The following MORC4 variants were observed in gnomAD, a reference collection of about 807,000 sequenced individuals.
MORC4 encodes the protein MORC family CW-type zinc finger protein 4.
In MORC4, 22 loss-of-function variants were observed where a neutral mutation model predicts 65.5. The observed-to-expected ratio is 0.34, with a 90% CI of 0.24 to 0.48. The LOEUF (loss-of-function observed/expected upper bound fraction) is 0.48, where lower values mean the gene tolerates loss of function less well. MORC4 is among the 20% of genes least tolerant of loss of function. The probability of loss-of-function intolerance (pLI) is 0.99; values close to 1 mark genes in which losing one functional copy is unlikely to be tolerated. For synonymous variants in MORC4, 267 were observed against 255.8 expected (o/e 1.04, Z -0.42); for missense variants, 624 against 703.0 (o/e 0.89, Z 1.27).
intron 9 of MORC4, among the ~76,000 whole-genome samples, chrX:106,968,642 CAAAAAAAA>C (rs1194053588): frequency 5.6e-5 from 1 of 17,985 alleles, no homozygotes; most frequent in Non-Finnish European, 9.8e-5. Flanking sequence ...AAATGGAAAG[CAAAAAAAA>C]AAAAAAAAAA....
chrX:106,953,863 C>T (rs778703604), intron 14 of MORC4, among the ~76,000 whole-genome samples: 3 of 112,247 alleles, frequency 2.7e-5, no homozygotes, highest in African/African-American at 9.7e-5. Context: ...GTGGCTCATG[C>T]CTGTAATCCT....
chrX:106,967,481 G>T (rs754617737), intron 9 of MORC4, among the ~76,000 whole-genome samples: 1 of 112,101 alleles, frequency 8.9e-6, no homozygotes, highest in East Asian at 2.8e-4. Context: ...CAAGTTGACA[G>T]AAGTAGGCTT....
intron 14 of MORC4, among the ~76,000 whole-genome samples, chrX:106,950,697 C>A (rs1420190685): frequency 9.0e-6 from 1 of 111,682 alleles, no homozygotes; most frequent in Non-Finnish European, 1.9e-5. Context: ...GTGGATCTGC[C>A]TGGAATAGAG....
chrX:106,957,703 T>C (rs1449792435), intron 11 of MORC4, among the ~76,000 whole-genome samples: 1 of 111,613 alleles, frequency 9.0e-6, no homozygotes, highest in African/African-American at 3.3e-5. Context: ...GCAAGAAACA[T>C]ATGGTATATT....
chrX:106,958,133 T>C (rs750529774), intron 11 of MORC4, among the ~76,000 whole-genome samples: 11 of 111,552 alleles, frequency 9.9e-5, no homozygotes, highest in East Asian at 5.7e-4. Context: ...GTGTAGGGAA[T>C]AGTGAAGCCA....
At chrX:106,991,605 G>A (rs1934984645) in intron 3 of MORC4, among the ~76,000 whole-genome samples, 1 of 111,976 alleles carries the variant, frequency 8.9e-6, no homozygotes, top group Non-Finnish European at 1.9e-5. Flanking sequence ...GAGTCATTAA[G>A]AAGATAAGCA....
intron 2 of MORC4, among the ~76,000 whole-genome samples, chrX:106,995,843 A>AGC (rs1434558750): frequency 8.9e-6 from 1 of 112,170 alleles, no homozygotes; most frequent in East Asian, 2.8e-4. Flanking sequence ...AGCATTACAC[A>AGC]GCTGCCTACA....
intron 14 of MORC4, among the ~76,000 whole-genome samples, chrX:106,947,591 A>AT (rs1411668743): frequency 0.012 from 990 of 83,018 alleles, 25 homozygotes; most frequent in African/African-American, 0.052. Flanking sequence ...ATATATATAT[A>AT]ATATATATAT....
At chrX:106,961,697 C>T (rs1162455488) in intron 10 of MORC4, among the ~76,000 whole-genome samples, 2 of 111,819 alleles carry the variant, frequency 1.8e-5, no homozygotes, top group African/African-American at 6.5e-5. Context: ...AGAAATGGAA[C>T]ACGGGAGGGA....
rs762365275 is a variant in MORC4, at chrX:106,942,498, T to G, written c.2376+17A>C. On this transcript the variant is annotated intron_variant, in intron 15 of 16. Coordinates refer to ENST00000355610, the MANE Select transcript of MORC4 (RefSeq NM_024657.5). ...TACTATGGTCTCTTATTCCTAGTGG[T>G]GAGGTATTACCCTAACCTTTTGCTG... is the stretch of plus-strand genomic sequence containing the variant. The G allele has an allele frequency of 5.7e-5, 67 of 1,181,052 alleles. No individual in the cohort carries two copies. The highest frequency in any genetic ancestry group is 7.2e-5 in the Non-Finnish European group (63 of 875,745).
chrX:106,974,593 T>C (rs759839136), intron 9 of MORC4, among the ~76,000 whole-genome samples: 1 of 112,261 alleles, frequency 8.9e-6, no homozygotes, highest in South Asian at 3.7e-4. Flanking sequence ...AAAGAGCTTT[T>C]TTATTGCTCG....
chrX:106,993,912 G>C (rs1484859188), intron 2 of MORC4, among the ~76,000 whole-genome samples: 4 of 112,328 alleles, frequency 3.6e-5, no homozygotes, highest in Non-Finnish European at 7.5e-5. Flanking sequence ...CACTGAAAGG[G>C]TTAGAGTTTA....
In MORC4 at chrX:106,981,485, A is replaced by C. The variant is rs1292897290; in HGVS notation, c.675-8T>G. Reference sequence around the variant, plus strand: ...GATTTTCCATTTTTATTTCTGGGGAAAAGAGACAAGTACCAATCTAACAAA... The same window carrying C: ...GATTTTCCATTTTTATTTCTGGGGACAAGAGACAAGTACCAATCTAACAAA... On this transcript the variant is annotated splice_region_variant and splice_polypyrimidine_tract_variant and intron_variant, in intron 5 of 16. Transcript: ENST00000355610. 1 of 1,183,597 alleles carries C rather than the reference A, an allele frequency of 8.4e-7. No individual in the cohort carries two copies. Among genetic ancestry groups the C allele is most frequent in the Non-Finnish European group, 1.1e-6 (1 of 884,236 alleles).
At chrX:106,956,191 A>G (rs16987262) in intron 13 of MORC4, among the ~76,000 whole-genome samples, 10,226 of 111,574 alleles carry the variant, frequency 0.092, 1,205 homozygotes, top group African/African-American at 0.32. Flanking sequence ...TATGAGGATG[A>G]AACACAACCC....
intron 2 of MORC4, among the ~76,000 whole-genome samples, chrX:106,995,037 G>A (rs181877870): frequency 9.0e-6 from 1 of 111,425 alleles, no homozygotes; most frequent in African/African-American, 3.3e-5. Context: ...AAAATATACA[G>A]TTAATTGTTA....
At chrX:106,999,586 G>A in intron 2 of MORC4, 91 bp downstream of exon 2, 1 of 474,225 alleles carries the variant, frequency 2.1e-6, no homozygotes, top group Admixed American at 4.7e-5. Context: ...GGCCCGCCCC[G>A]CGCGGCTCTG....
Position 106,999,966 on chromosome X carries a change from G to A in MORC4, c.4C>T (p.Leu2Phe). Residue 2 changes from leucine (L) to phenylalanine (F), a missense_variant, in exon 1 of 17, where the codon CTC becomes TTC. Leu to Phe is a conservative substitution (Grantham distance 22). Transcript: ENST00000355610. ...CCGGCGGGGGCCCCTCGGTACAGGA[G>A]CATTTTTTTGGCCGCCACGGTACCC... M[L>F]LYRGAPAGPG... The A allele has an allele frequency of 5.8e-6, 5 of 866,294 alleles. No homozygotes were observed. The highest frequency in any genetic ancestry group is 7.1e-6 in the Non-Finnish European group (5 of 701,531). The allele number at this position is 866,294 out of a possible 1,213,427, so 71.4% of individuals were successfully genotyped here. A position where few individuals can be genotyped will look rare whatever the true frequency, so the allele number is the denominator to read the frequency against.
chrX:106,993,695 C>A (rs923618912), intron 2 of MORC4, among the ~76,000 whole-genome samples: 2 of 112,503 alleles, frequency 1.8e-5, no homozygotes, highest in African/African-American at 6.5e-5. Flanking sequence ...CTTATTACTT[C>A]TTGCCTTTTA....
At chrX:106,970,997 C>T (rs1159777198) in intron 9 of MORC4, among the ~76,000 whole-genome samples, 3 of 111,498 alleles carry the variant, frequency 2.7e-5, no homozygotes, top group Non-Finnish European at 5.6e-5. Flanking sequence ...AAAAAGAGCC[C>T]GCATAGCCAA....
Sources: allele counts gnomAD v4.1 joint callset (sites outside exome capture counted in the v4.1 genomes callset), GRCh38; gene constraint gnomAD v4.1.1; transcripts MANE v1.5; gene names NCBI Gene and HGNC (gene_info 2026-07-23, HGNC 2026-07-21).